CASZ1: variants seen among roughly 807,000 people sequenced by gnomAD.
CASZ1 encodes the protein zinc finger protein castor homolog 1.
A neutral mutation model predicts 135.2 loss-of-function variants in CASZ1; 28 were observed. The ratio of observed to expected loss-of-function variants is 0.21; its 90% CI spans 0.15 to 0.28. The LOEUF (loss-of-function observed/expected upper bound fraction) is 0.28, where lower values mean the gene tolerates loss of function less well. Among genes scored for constraint, CASZ1 ranks in the 10% least tolerant of loss-of-function variants. The pLI is 1.00. For synonymous variants in CASZ1, 1,068 were observed against 1,073.4 expected, an observed-to-expected ratio of 0.99 and a Z score of 0.10; for missense variants, 2,161 against 2,453.3, an observed-to-expected ratio of 0.88 and a Z score of 2.52.
At position 10,783,246 on chromosome 1, in the gene CASZ1, A is replaced by AGTGTGTGTGTGTGTGTGT. The variant is rs70997266; in HGVS notation, c.-234+13300_-234+13317dup. Among the ~76,000 whole-genome samples, 3 of 148,044 alleles carry AGTGTGTGTGTGTGTGTGT rather than the reference A, an allele frequency of 2.0e-5. No individual in the cohort carries two copies. The South Asian group carries it at 6.6e-4, about 32-fold the overall frequency. On this transcript the variant is annotated intron_variant, in intron 1 of 20. Transcript: ENST00000377022. ...TTTTTAACGGCTAGGCCAGTGGAGAAGTGTGTGTGTGTGTGTGTGTGTGTG... is the reference window on the plus strand; with the variant it reads ...TTTTTAACGGCTAGGCCAGTGGAGAAGTGTGTGTGTGTGTGTGTGTGTGTGTGTGTGTGTGTGTGTGTG...
chr1:10,772,138 C>T (rs897363832), intron 1 of CASZ1, among the ~76,000 whole-genome samples: 5 of 152,178 alleles, frequency 3.3e-5, no homozygotes, highest in African/African-American at 1.2e-4. Flanking sequence ...TGTTGTGAAA[C>T]CTAAGACACC....
chr1:10,646,023 T>G lies in CASZ1; in HGVS notation c.3696+105A>C. 364 of 1,085,956 alleles carry G rather than the reference T, an allele frequency of 3.4e-4. No homozygotes were observed. Among genetic ancestry groups the G allele is most frequent in the Non-Finnish European group, 4.6e-4 (332 of 725,264 alleles). The allele number at this position is 1,085,956 out of a possible 1,614,324, so 67.3% of individuals were successfully genotyped here. A position where few individuals can be genotyped will look rare whatever the true frequency, so the allele number is the denominator to read the frequency against. ...GAGGCCCATTTAAATAAGCAAGGTGTGAGAAATGGAGCCTCTGCCAGGAGG... is the reference window on the plus strand; with the variant it reads ...GAGGCCCATTTAAATAAGCAAGGTGGGAGAAATGGAGCCTCTGCCAGGAGG... On this transcript the variant is annotated intron_variant, in intron 17 of 20. Coordinates refer to ENST00000377022, the MANE Select transcript of CASZ1 (RefSeq NM_001079843.3). This position sits in a 1 kb window ranked among gnomAD's most constrained non-coding sequence, Gnocchi z 6.4.
intron 4 of CASZ1, among the ~76,000 whole-genome samples, chr1:10,665,872 G>T (rs1303025492): frequency 1.3e-5 from 2 of 152,168 alleles, no homozygotes; most frequent in South Asian, 2.1e-4. Context: ...AACTACAAGG[G>T]GCGCCCAGGT....
Position 10,727,202 on chromosome 1 carries a change from C to T in CASZ1, c.-76-21658G>A, listed in dbSNP as rs999715323. On this transcript the variant is annotated intron_variant, in intron 2 of 20. Coordinates refer to ENST00000377022, the MANE Select transcript of CASZ1 (RefSeq NM_001079843.3). This position sits in a 1 kb window ranked among gnomAD's most constrained non-coding sequence, Gnocchi z 5.3. ...CCAGGGGTAGGGAGAGGCCCGCGAC[C>T]GTCCCAGGCCTGTGGGAAGCTGGGA... 2.6e-5 allele frequency among the ~76,000 whole-genome samples: 4 copies of T among 151,956 alleles called. No homozygotes were observed. The highest frequency in any genetic ancestry group is 2.1e-4 in the South Asian group (1 of 4,818).
intron 9 of CASZ1, 71 bp from the exon 10 acceptor site, chr1:10,654,662 G>T: frequency 2.7e-6 from 4 of 1,466,308 alleles, no homozygotes; most frequent in South Asian, 2.5e-5. Flanking sequence ...ACACCACTGT[G>T]TGTGGCTGGG....
intron 1 of CASZ1, among the ~76,000 whole-genome samples, chr1:10,769,610 G>A (rs371716614): frequency 2.6e-5 from 4 of 152,162 alleles, no homozygotes; most frequent in South Asian, 4.2e-4. Context: ...TCTGTTCCCC[G>A]GGTTCAAGCG....
At chr1:10,765,353 C>T (rs77510037) in intron 1 of CASZ1, among the ~76,000 whole-genome samples, 5,765 of 150,784 alleles carry the variant, frequency 0.038, 141 homozygotes, top group South Asian at 0.082. Flanking sequence ...AAAACACAGA[C>T]GTGCACATTG....
intron 2 of CASZ1, among the ~76,000 whole-genome samples, chr1:10,718,937 A>G (rs932682073): frequency 6.6e-6 from 1 of 151,738 alleles, no homozygotes; most frequent in Non-Finnish European, 1.5e-5. Context: ...GCATTTGTGC[A>G]TTTGGTATTT....
intron 4 of CASZ1, among the ~76,000 whole-genome samples, chr1:10,691,297 C>T (rs1164985493): frequency 4.6e-5 from 7 of 152,160 alleles, no homozygotes; most frequent in East Asian, 1.9e-4. Context: ...TTGCTAAAGA[C>T]GTCCAGATTG....
intron 4 of CASZ1, among the ~76,000 whole-genome samples, chr1:10,688,982 A>G (rs1638680875): frequency 6.6e-6 from 1 of 152,056 alleles, no homozygotes; most frequent in Non-Finnish European, 1.5e-5. Context: ...TCTGAAGATG[A>G]GGAGGAGAAG....
At chr1:10,733,060 A>G (rs908303627) in intron 2 of CASZ1, among the ~76,000 whole-genome samples, 1 of 152,160 alleles carries the variant, frequency 6.6e-6, no homozygotes, top group Non-Finnish European at 1.5e-5. Flanking sequence ...TAGAGCAGAG[A>G]TGTGGAATTT....
At chr1:10,665,702 A>C (rs1357489751) in intron 4 of CASZ1, 131 bp from the exon 5 acceptor site, 2 of 1,014,316 alleles carry the variant, frequency 2.0e-6, no homozygotes, top group East Asian at 5.4e-5. Flanking sequence ...AACTGCCCTG[A>C]GACTGCCTGG....
At chr1:10,682,405 G>A (rs1488571734) in intron 4 of CASZ1, among the ~76,000 whole-genome samples, 1 of 152,110 alleles carries the variant, frequency 6.6e-6, no homozygotes, top group African/African-American at 2.4e-5. Flanking sequence ...CAAGGGCCCC[G>A]GAAGACTCCT....
chr1:10,708,018 C>T (rs1639211894), intron 2 of CASZ1, among the ~76,000 whole-genome samples: 4 of 152,226 alleles, frequency 2.6e-5, no homozygotes, highest in South Asian at 4.1e-4. Context: ...GAAATGCCAA[C>T]ACACCCATTC....
intron 2 of CASZ1, among the ~76,000 whole-genome samples, chr1:10,737,211 C>A (rs1639816587): frequency 6.6e-6 from 1 of 152,260 alleles, no homozygotes. Flanking sequence ...CTCGTTCCCA[C>A]AACCTGCTGG....
Position 10,639,812 on chromosome 1 carries a change from C to T in CASZ1, c.4410G>A (p.Gly1470=), listed in dbSNP as rs1199364964. The stretch of plus-strand genomic sequence containing the variant: ...GCGCGTGCTTGTACATGTGCGTGCG[C>T]CCGCAGAACTTGTAGCCGCAGTTCT... ...TRENCGYKFC[G]RTHMYKHAQH... The change falls in exon 21 of 21, where the codon GGG becomes GGA. Residue 1470 remains glycine (G), a synonymous_variant. Transcript: ENST00000377022. This position sits in a 1 kb window ranked among gnomAD's most constrained non-coding sequence, Gnocchi z 4.0. 3.1e-6 allele frequency: 5 copies of T among 1,609,436 alleles called. No homozygotes were observed. The Admixed American group carries it at 5.0e-5, about 16-fold the overall frequency.
intron 2 of CASZ1, among the ~76,000 whole-genome samples, chr1:10,730,063 C>T (rs1026013317): frequency 6.6e-6 from 1 of 152,060 alleles, no homozygotes; most frequent in African/African-American, 2.4e-5. Flanking sequence ...GATCCACTCG[C>T]CTTAGCCTCC....
intron 1 of CASZ1, among the ~76,000 whole-genome samples, chr1:10,787,956 A>T (rs984534146): frequency 8.6e-5 from 13 of 152,044 alleles, no homozygotes; most frequent in Middle Eastern, 3.4e-3. Context: ...GTTTTTTTTT[A>T]AAACTATGAT....
intron 5 of CASZ1, 36 bp from the exon 6 acceptor site, chr1:10,660,572 GGGA>G: frequency 6.4e-7 from 1 of 1,565,704 alleles, no homozygotes; most frequent in Non-Finnish European, 8.7e-7. Context: ...ACCTCTGGGA[GGGA>G]GTGGGAGGGA....
Sources: allele counts gnomAD v4.1 joint callset (sites outside exome capture counted in the v4.1 genomes callset), GRCh38; gene constraint gnomAD v4.1.1; non-coding constraint Gnocchi (gnomAD v3.1); transcripts MANE v1.5; gene names NCBI Gene and HGNC (gene_info 2026-07-23, HGNC 2026-07-21).